Variants in AK9 observed in about 807,000 individuals in gnomAD.
AK9 encodes the protein adenylate kinase 9, also known as adenylate kinase domain containing 1.
AK9 carries 191 observed loss-of-function variants against 239.6 expected under a neutral mutation model. The ratio of observed to expected loss-of-function variants is 0.80; its 90% CI spans 0.71 to 0.90. The LOEUF (loss-of-function observed/expected upper bound fraction) is 0.90, where lower values mean the gene tolerates loss of function less well. Ranked by LOEUF, AK9 falls within the 40% of genes least tolerant of loss-of-function variation. The pLI is 0.00. For synonymous variants in AK9, 689 were observed against 721.0 expected, an observed-to-expected ratio of 0.96 and a Z score of 0.71; for missense variants, 1,995 against 2,214.7, an observed-to-expected ratio of 0.90 and a Z score of 1.99.
chr6:109,662,562 T>C lies in AK9; in HGVS notation c.433A>G (p.Ile145Val), dbSNP rs1437645137. Residue 145 changes from isoleucine (I) to valine (V), a missense_variant, in exon 6 of 41, where the codon ATC becomes GTC. By Grantham distance (29) the Ile-to-Val change is conservative. Coordinates refer to ENST00000424296, the MANE Select transcript of AK9 (RefSeq NM_001145128.3). ...KNLNLKPDVI[I>V]NIKCPDYDLC... ...ATTAATATCCTTACCTTTATATTGATTATAACATCAGGTTTCAGGTTTAAG... is the reference window on the plus strand; with the variant it reads ...ATTAATATCCTTACCTTTATATTGACTATAACATCAGGTTTCAGGTTTAAG... The C allele has an allele frequency of 1.3e-6, 2 of 1,544,828 alleles. No homozygotes were observed. Among genetic ancestry groups the C allele is most frequent in the Non-Finnish European group, 1.7e-6 (2 of 1,144,500 alleles).
chr6:109,582,456 A>T (rs970466005), intron 19 of AK9, among the ~76,000 whole-genome samples: 14 of 152,342 alleles, frequency 9.2e-5, no homozygotes, highest in African/African-American at 3.4e-4. Context: ...GATTACTTTA[A>T]TAAGTTCAGG....
At chr6:109,632,874 G>GATAGATAA in intron 12 of AK9, 49 bp downstream of exon 12, 1 of 1,548,510 alleles carries the variant, frequency 6.5e-7, no homozygotes, top group East Asian at 2.3e-5. Context: ...TAGATAGATA[G>GATAGATAA]ATAGATAGAT....
In AK9 at chr6:109,585,181, T is replaced by C. The variant is rs367599359; in HGVS notation, c.2056A>G (p.Ile686Val). 4.6e-6 allele frequency: 5 copies of C among 1,075,820 alleles called. 1 individual carries two copies. The highest frequency in any genetic ancestry group is 7.1e-5 in the Admixed American group (2 of 28,042). 66.6% of individuals were successfully genotyped at this position (1,075,820 alleles called of 1,614,324 possible). Residue 686 changes from isoleucine to valine, a missense_variant, in exon 19 of 41, where the codon ATT becomes GTT. Around this residue, in one of 5 missense-constraint regions of AK9, gnomAD observed 1,290 missense variants for 1,392.7 expected, o/e 0.93. Transcript: ENST00000424296. The part of the protein sequence containing the change: ...LQKKSEIDSK[I>V]LERLLEELQK... Reference sequence around the variant, plus strand: ...AGTTCTTCTAATAATCTTTCTAAAATCTTAGAGTCAATTTCAGATTTCTTC... The same window carrying C: ...AGTTCTTCTAATAATCTTTCTAAAACCTTAGAGTCAATTTCAGATTTCTTC...
At chr6:109,690,953 G>C (rs1328644570) in intron 1 of AK9, among the ~76,000 whole-genome samples, 194 bp downstream of exon 1, 1 of 152,162 alleles carries the variant, frequency 6.6e-6, no homozygotes, top group Non-Finnish European at 1.5e-5. Flanking sequence ...GACCGTCAGA[G>C]GGCCGGCTTC....
chr6:109,659,536 C>T, intron 6 of AK9, 123 bp from the exon 7 acceptor site: 1 of 1,250,502 alleles, frequency 8.0e-7, no homozygotes, highest in Non-Finnish European at 1.1e-6. Flanking sequence ...TGAGCAAATG[C>T]AATATTGTGA....
chr6:109,659,322 T>G lies in AK9; in HGVS notation c.536A>C (p.Glu179Ala). 6.2e-7 allele frequency: 1 copy of G among 1,609,194 alleles called. No homozygotes were observed. The highest frequency in any genetic ancestry group is 8.5e-7 in the Non-Finnish European group (1 of 1,178,784). Residue 179 changes from glutamate (E) to alanine (A), a missense_variant, in exon 7 of 41, where the codon GAA becomes GCA. Glu to Ala is a moderately radical substitution (Grantham distance 107). Coordinates refer to ENST00000424296, the MANE Select transcript of AK9 (RefSeq NM_001145128.3). The stretch of plus-strand genomic sequence containing the variant: ...CTTTTTCCTATGATTCTCAATGACT[T>G]CAGGATCCCACTGGTCTCTACTGTA... ...YIYSRDQWDPEVIENHRKKKK... is the reference protein window; with the variant it reads ...YIYSRDQWDPAVIENHRKKKK...
In AK9 at chr6:109,652,208, G is replaced by T. The variant is rs566617745; in HGVS notation, c.759+4548C>A. On this transcript the variant is annotated intron_variant, in intron 8 of 40. Coordinates refer to ENST00000424296, the MANE Select transcript of AK9 (RefSeq NM_001145128.3). ...GCACATCAAAAAGCTTATCCACCACGATCAAGTTGGCTTCATCCCTGGGAT... is the reference window on the plus strand; with the variant it reads ...GCACATCAAAAAGCTTATCCACCACTATCAAGTTGGCTTCATCCCTGGGAT... 7.4e-4 allele frequency among the ~76,000 whole-genome samples: 112 copies of T among 152,268 alleles called. 1 individual carries two copies. Among genetic ancestry groups the T allele is most frequent in the African/African-American group, 2.6e-3 (109 of 41,552 alleles).
In AK9 at chr6:109,633,344, A is replaced by G. The variant is rs771855605; in HGVS notation, c.934-21T>C. On this transcript the variant is annotated intron_variant, in intron 10 of 40. Coordinates refer to ENST00000424296, the MANE Select transcript of AK9 (RefSeq NM_001145128.3). ...TCATCCTGTGAATTGCAAATACTAC[A>G]TTAAAAATATGGGCATAAATTTTGC... 3 of 1,581,770 alleles carry G rather than the reference A, an allele frequency of 1.9e-6. No individual in the cohort carries two copies. The Admixed American group carries it at 5.9e-5, about 31-fold the overall frequency.
At chr6:109,650,896 C>T (rs1173716909) in intron 8 of AK9, among the ~76,000 whole-genome samples, 1 of 152,144 alleles carries the variant, frequency 6.6e-6, no homozygotes, top group Non-Finnish European at 1.5e-5. Flanking sequence ...GAATACTACG[C>T]AGCCATAAAA....
chr6:109,648,809 T>A (rs923377455), intron 8 of AK9, among the ~76,000 whole-genome samples: 1 of 152,180 alleles, frequency 6.6e-6, no homozygotes, highest in Admixed American at 6.5e-5. Context: ...TTTAGACCAA[T>A]ATCCTTGATG....
chr6:109,549,664 C>CTTTTTTTTTTTTTTTTTTTTTTTTT lies in AK9; in HGVS notation c.2964+425_2964+426insAAAAAAAAAAAAAAAAAAAAAAAAA, dbSNP rs1196364045. 15 of 122,092 alleles carry CTTTTTTTTTTTTTTTTTTTTTTTTT rather than the reference C, an allele frequency of 1.2e-4. 1 individual carries two copies. In the East Asian group the frequency reaches 2.2e-3, roughly 18 times the overall value. The allele number at this position is 122,092 out of a possible 1,614,324, so 7.6% of individuals were successfully genotyped here. A position where few individuals can be genotyped will look rare whatever the true frequency, so the allele number is the denominator to read the frequency against. ...GTTGTTCTTTGAACTTAGATATTTT[C>CTTTTTTTTTTTTTTTTTTTTTTTTT]TTTTTTTTTTTTTTTTTTTGAGACG... On this transcript the variant is annotated intron_variant, in intron 25 of 40. Transcript: ENST00000424296.
chr6:109,512,872 T>C (rs923224267), intron 32 of AK9, among the ~76,000 whole-genome samples: 1 of 152,236 alleles, frequency 6.6e-6, no homozygotes, highest in South Asian at 2.1e-4. Context: ...TTACTATTAT[T>C]ACTTGTTTTG....
chr6:109,614,185 T>C lies in AK9; in HGVS notation c.1607A>G (p.Asp536Gly), dbSNP rs1793891833. 2.6e-6 allele frequency: 4 copies of C among 1,550,502 alleles called. No homozygotes were observed. Among genetic ancestry groups the C allele is most frequent in the African/African-American group, 1.4e-5 (1 of 73,134 alleles). ...LHDQAAKVDKDDGKETGETFT... is the reference protein window; with the variant it reads ...LHDQAAKVDKGDGKETGETFT... ...GGATTAGCAGTTCACTTTGTTACCATCTTTATCAACTTTAGCAGCTTGATC... is the reference window on the plus strand; with the variant it reads ...GGATTAGCAGTTCACTTTGTTACCACCTTTATCAACTTTAGCAGCTTGATC... Residue 536 changes from aspartate (D) to glycine (G), a missense_variant and splice_region_variant, in exon 15 of 41, where the codon GAT (aspartate) becomes GGT (glycine). Physicochemically the swap from Asp to Gly is moderately conservative, Grantham distance 94. This residue lies in a region of AK9 where 1,290 missense variants were observed against 1,392.7 expected (regional missense o/e 0.93). Coordinates refer to ENST00000424296, the MANE Select transcript of AK9 (RefSeq NM_001145128.3).
intron 29 of AK9, 198 bp downstream of exon 29, chr6:109,528,813 C>A (rs964473557): frequency 8.0e-6 from 7 of 875,262 alleles, no homozygotes; most frequent in Non-Finnish European, 1.1e-5. Flanking sequence ...AAAGCTGTTA[C>A]AAGAGTGTCT....
chr6:109,675,697 C>T lies in AK9; in HGVS notation c.49G>A (p.Asp17Asn), dbSNP rs781426636. 1 of 1,598,322 alleles carries T rather than the reference C, an allele frequency of 6.3e-7. No individual in the cohort carries two copies. Among genetic ancestry groups the T allele is most frequent in the Admixed American group, 1.8e-5 (1 of 57,012 alleles). ...TEEYPFADIF[D>N]EDETERNFLL... ...AAATTCCTTTCAGTTTCATCTTCAT[C>T]AAATATATCTGCAAAAGGATACTCT... The change falls in exon 2 of 41, where the codon GAT (aspartate) becomes AAT (asparagine). Residue 17 changes from aspartate to asparagine, a missense_variant. Coordinates refer to ENST00000424296, the MANE Select transcript of AK9 (RefSeq NM_001145128.3).
chr6:109,596,976 T>A (rs920642845), intron 17 of AK9, among the ~76,000 whole-genome samples: 5 of 152,328 alleles, frequency 3.3e-5, no homozygotes, highest in African/African-American at 1.2e-4. Context: ...CCTTAATTTG[T>A]TTAATCACCC....
intron 8 of AK9, among the ~76,000 whole-genome samples, chr6:109,651,820 C>T (rs4308601): frequency 0.047 from 7,190 of 152,126 alleles, 560 homozygotes; most frequent in African/African-American, 0.16. Context: ...TGGATAAATT[C>T]CTGGACATAT....
chr6:109,684,975 T>C (rs970129776), intron 1 of AK9, among the ~76,000 whole-genome samples: 2 of 137,590 alleles, frequency 1.5e-5, no homozygotes, highest in East Asian at 2.2e-4. Flanking sequence ...AACAGACATA[T>C]GGAAAAAATG....
intron 15 of AK9, 37 bp from the exon 16 acceptor site, chr6:109,612,130 A>G: frequency 3.7e-6 from 5 of 1,349,118 alleles, no homozygotes; most frequent in Non-Finnish European, 5.1e-6. Context: ...AAAGAACGGT[A>G]TTAAAAAAAA....
Sources: allele counts gnomAD v4.1 joint callset (sites outside exome capture counted in the v4.1 genomes callset), GRCh38; gene constraint gnomAD v4.1.1; regional missense constraint gnomAD v4.1.1; transcripts MANE v1.5; gene names NCBI Gene and HGNC (gene_info 2026-07-23, HGNC 2026-07-21).